The following PPARGC1A variants were observed in gnomAD, a reference collection of about 807,000 sequenced individuals.
PPARGC1A encodes peroxisome proliferator-activated receptor gamma coactivator 1-alpha.
PPARGC1A carries 25 observed loss-of-function variants against 88.7 expected under a neutral mutation model. The ratio of observed to expected loss-of-function variants is 0.28; its 90% CI spans 0.21 to 0.39. PPARGC1A has a LOEUF of 0.39. Ranked by LOEUF, PPARGC1A falls within the 10% of genes least tolerant of loss-of-function variation. The pLI is 1.00. For missense variants in PPARGC1A, 880 were observed against 968.7 expected (o/e 0.91, Z 1.22); for synonymous variants, 363 against 355.6 (o/e 1.02, Z -0.24).
At chr4:24,214,364 G>A in the PPARGC1A span, among the ~76,000 whole-genome samples, 1 of 152,186 alleles carries the variant, frequency 6.6e-6, no homozygotes, top group Non-Finnish European at 1.5e-5. Context: ...AGGATTAAGG[G>A]AAGCTGGAGT....
chr4:24,381,186 A>G, the PPARGC1A span, among the ~76,000 whole-genome samples: 2 of 152,188 alleles, frequency 1.3e-5, no homozygotes, highest in African/African-American at 4.8e-5. Flanking sequence ...GTTGTGAAAT[A>G]CTACAGAGAT....
chr4:23,953,248 T>C, the PPARGC1A span, among the ~76,000 whole-genome samples: 1 of 152,134 alleles, frequency 6.6e-6, no homozygotes, highest in Non-Finnish European at 1.5e-5. Flanking sequence ...TTCAAAGACA[T>C]GTTTGGTCAA....
chr4:24,375,850 A>G, the PPARGC1A span, among the ~76,000 whole-genome samples: 59,381 of 151,866 alleles, frequency 0.39, 12,128 homozygotes, highest in African/African-American at 0.51. Flanking sequence ...AGCAAACCCA[A>G]ACTCCTAAGT....
At chr4:23,990,364 A>C in the PPARGC1A span, among the ~76,000 whole-genome samples, 1 of 152,032 alleles carries the variant, frequency 6.6e-6, no homozygotes, top group East Asian at 1.9e-4. Flanking sequence ...ATACTTATGT[A>C]TTAGTGCAGC....
the PPARGC1A span, among the ~76,000 whole-genome samples, chr4:24,186,837 A>T: frequency 1.4e-4 from 22 of 152,246 alleles, no homozygotes; most frequent in African/African-American, 3.6e-4. Context: ...TAAAAAAATT[A>T]AAAAATTAAA....
At chr4:23,934,735 G>A in the PPARGC1A span, among the ~76,000 whole-genome samples, 1 of 152,226 alleles carries the variant, frequency 6.6e-6, no homozygotes, top group African/African-American at 2.4e-5. Flanking sequence ...TATAGGCAGA[G>A]AAGTTACTAT....
intron 7 of PPARGC1A, among the ~76,000 whole-genome samples, chr4:23,823,276 A>C (rs1442200786): frequency 6.6e-6 from 1 of 151,990 alleles, no homozygotes; most frequent in Non-Finnish European, 1.5e-5. Context: ...AGGAGCAAGC[A>C]ATAAAAAGTG....
At chr4:23,850,690 C>T (rs928646849) in intron 2 of PPARGC1A, among the ~76,000 whole-genome samples, 7 of 152,156 alleles carry the variant, frequency 4.6e-5, no homozygotes, top group African/African-American at 1.4e-4. Flanking sequence ...GGGATACTGT[C>T]AAGCCCTTTC....
At chr4:23,848,072 C>G in intron 2 of PPARGC1A, among the ~76,000 whole-genome samples, 1 of 151,978 alleles carries the variant, frequency 6.6e-6, no homozygotes, top group Non-Finnish European at 1.5e-5. Context: ...TGTAAAAAGG[C>G]AGAAGTGAAA....
At chr4:24,200,025 A>G in the PPARGC1A span, among the ~76,000 whole-genome samples, 3 of 152,350 alleles carry the variant, frequency 2.0e-5, no homozygotes, top group South Asian at 4.1e-4. Context: ...ATCATGGAAT[A>G]CTACAGAGTA....
chr4:24,465,801 C>T, the PPARGC1A span, among the ~76,000 whole-genome samples: 10 of 152,050 alleles, frequency 6.6e-5, no homozygotes, highest in African/African-American at 1.7e-4. Context: ...AAATGTTAGG[C>T]GCATGATTCA....
chr4:23,975,462 G>C, the PPARGC1A span, among the ~76,000 whole-genome samples: 1 of 151,902 alleles, frequency 6.6e-6, no homozygotes, highest in South Asian at 2.1e-4. Flanking sequence ...CTGTTGCCCA[G>C]GCTGGAGTAC....
chr4:23,958,975 A>G, the PPARGC1A span, among the ~76,000 whole-genome samples: 4 of 151,782 alleles, frequency 2.6e-5, no homozygotes, highest in Non-Finnish European at 1.5e-5. Context: ...TGAGTATGCA[A>G]ATAAATGACT....
chr4:24,337,739 C>G, the PPARGC1A span, among the ~76,000 whole-genome samples: 1 of 151,096 alleles, frequency 6.6e-6, no homozygotes, highest in African/African-American at 2.4e-5. Context: ...TAACTTGTCC[C>G]AGATCACACA....
the PPARGC1A span, among the ~76,000 whole-genome samples, chr4:23,946,811 TACACAC>T: frequency 2.0e-5 from 3 of 150,524 alleles, no homozygotes; most frequent in Non-Finnish European, 3.0e-5. Flanking sequence ...AAAATATATG[TACACAC>T]ACACACACAC....
chr4:24,009,861 C>A, the PPARGC1A span, among the ~76,000 whole-genome samples: 1 of 152,102 alleles, frequency 6.6e-6, no homozygotes, highest in Non-Finnish European at 1.5e-5. Flanking sequence ...TCAGTTTAAC[C>A]TGCTATTTTA....
intron 10 of PPARGC1A, among the ~76,000 whole-genome samples, chr4:23,806,822 TC>T (rs1225982863): frequency 2.0e-5 from 3 of 152,156 alleles, no homozygotes; most frequent in Non-Finnish European, 2.9e-5. Context: ...TTGTTTCTCA[TC>T]AAATAAACTA....
the PPARGC1A span, among the ~76,000 whole-genome samples, chr4:24,452,997 C>A: frequency 5.3e-5 from 8 of 152,184 alleles, no homozygotes; most frequent in African/African-American, 1.9e-4. Context: ...AGACATGGAC[C>A]TTCACAGACG....
the PPARGC1A span, among the ~76,000 whole-genome samples, chr4:23,971,464 A>C: frequency 3.3e-5 from 5 of 152,230 alleles, no homozygotes; most frequent in Non-Finnish European, 7.3e-5. Context: ...GTATTAACTC[A>C]CATGATCACA....
Sources: allele counts gnomAD v4.1 joint callset (sites outside exome capture counted in the v4.1 genomes callset), GRCh38; gene constraint gnomAD v4.1.1; transcripts MANE v1.5; gene names NCBI Gene and HGNC (gene_info 2026-07-23, HGNC 2026-07-21).